DGKZ: variants seen among roughly 807,000 people sequenced by gnomAD.
DGKZ encodes diacylglycerol kinase zeta.
In DGKZ, 45 loss-of-function variants were observed where a neutral mutation model predicts 142.5. That is an observed-to-expected ratio of 0.32 (90% CI 0.25 to 0.40). DGKZ has a LOEUF of 0.40. Among genes scored for constraint, DGKZ ranks in the 10% least tolerant of loss-of-function variants. The probability of loss-of-function intolerance (pLI) is 1.00; values close to 1 mark genes in which losing one functional copy is unlikely to be tolerated. For missense variants in DGKZ, 755 were observed against 1,306.5 expected (o/e 0.58, Z 6.51); for synonymous variants, 442 against 527.0 (o/e 0.84, Z 2.21).
In DGKZ at chr11:46,370,970, G is replaced by A. The variant is rs552949364; in HGVS notation, c.571-343G>A. ...CGTAGTGGTGGGCGCCTGTAATCCCGGCCACTCAGGAGGCTGAGACAAGAG... is the reference window on the plus strand; with the variant it reads ...CGTAGTGGTGGGCGCCTGTAATCCCAGCCACTCAGGAGGCTGAGACAAGAG... On this transcript the variant is annotated intron_variant, in intron 6 of 30. Coordinates refer to ENST00000527911, the Ensembl canonical transcript of DGKZ. Among the ~76,000 whole-genome samples, 76 of 151,978 alleles carry A rather than the reference G, an allele frequency of 5.0e-4. 1 individual carries two copies. The highest frequency in any genetic ancestry group is 1.5e-3 in the African/African-American group (64 of 41,426).
At chr11:46,353,484 C>T (rs1941652620) in intron 1 of DGKZ, among the ~76,000 whole-genome samples, 1 of 152,218 alleles carries the variant, frequency 6.6e-6, no homozygotes. Flanking sequence ...GGGGAGCAGG[C>T]TGGACTGGGA....
chr11:46,372,517 A>C lies in DGKZ; in HGVS notation c.1010+7A>C. On this transcript the variant is annotated splice_region_variant and intron_variant, in intron 11 of 30. Transcript: ENST00000527911. This position sits in a 1 kb window ranked among gnomAD's most constrained non-coding sequence, Gnocchi z 5.9. Reference sequence around the variant, plus strand: ...AGGGAGGGCCCAAGGAGGCGTAAGTACTTGCCAAGGTTTTGTGGGGGACAT... The same window carrying C: ...AGGGAGGGCCCAAGGAGGCGTAAGTCCTTGCCAAGGTTTTGTGGGGGACAT... 6.2e-7 allele frequency: 1 copy of C among 1,614,004 alleles called. No individual in the cohort carries two copies. The highest frequency in any genetic ancestry group is 8.5e-7 in the Non-Finnish European group (1 of 1,179,998).
chr11:46,339,265 C>T (rs891206901), intron 1 of DGKZ, among the ~76,000 whole-genome samples: 2 of 152,134 alleles, frequency 1.3e-5, no homozygotes, highest in Admixed American at 1.3e-4. Flanking sequence ...GAGATGGGGC[C>T]GATTTGTAAT....
chr11:46,366,317 C>T lies in DGKZ; in HGVS notation c.162-974C>T, dbSNP rs760010843. On this transcript the variant is annotated intron_variant, in intron 1 of 30. Transcript: ENST00000527911. ...GGTGCCAGGCCCTGGAGAGGGGCAG[C>T]AGCGGCCCAGCAGCGTGGGGCTGCC... The T allele has an allele frequency of 6.3e-6, 10 of 1,575,490 alleles. No homozygotes were observed. The African/African-American group carries it at 9.6e-5, about 15-fold the overall frequency.
intron 1 of DGKZ, among the ~76,000 whole-genome samples, chr11:46,350,011 C>T (rs180727179): frequency 6.6e-5 from 10 of 152,262 alleles, no homozygotes; most frequent in East Asian, 5.8e-4. Context: ...TAGTCCGTCA[C>T]GCTGGGGAGT....
intron 1 of DGKZ, among the ~76,000 whole-genome samples, chr11:46,342,193 G>A (rs1940312155): frequency 6.6e-6 from 1 of 152,150 alleles, no homozygotes; most frequent in African/African-American, 2.4e-5. Context: ...GCTTCCCAGG[G>A]CTGGCACATG....
intron 1 of DGKZ, chr11:46,365,376 GAC>G: frequency 1.0e-6 from 1 of 985,464 alleles, no homozygotes. Flanking sequence ...AGAAAGGTGA[GAC>G]AGAGCAGTCG....
At chr11:46,335,567 AG>A (rs2136373453) in intron 1 of DGKZ, among the ~76,000 whole-genome samples, 1 of 152,286 alleles carries the variant, frequency 6.6e-6, no homozygotes, top group Non-Finnish European at 1.5e-5. Flanking sequence ...AATCCCACTG[AG>A]GTCCCCCCAA....
Position 46,372,893 on chromosome 11 carries a change from C to G in DGKZ, c.1185+9C>G, listed in dbSNP as rs1944108884. On this transcript the variant is annotated intron_variant, in intron 13 of 30. Coordinates refer to ENST00000527911, the Ensembl canonical transcript of DGKZ. The surrounding 1 kb of genome is among the most constrained non-coding windows in gnomAD (Gnocchi z 5.9). Reference sequence around the variant, plus strand: ...CCCTCAACTGGGGTGGGGTAAGCACCCATAGGAGGGGGGTGCAGCTGGGGC... The same window carrying G: ...CCCTCAACTGGGGTGGGGTAAGCACGCATAGGAGGGGGGTGCAGCTGGGGC... 6.4e-7 allele frequency: 1 copy of G among 1,571,864 alleles called. No individual in the cohort carries two copies. The highest frequency in any genetic ancestry group is 1.4e-5 in the African/African-American group (1 of 73,762).
At chr11:46,356,166 C>G (rs1305183113) in intron 1 of DGKZ, among the ~76,000 whole-genome samples, 3 of 152,132 alleles carry the variant, frequency 2.0e-5, no homozygotes, top group African/African-American at 7.2e-5. Flanking sequence ...AGAGTGGGGG[C>G]CCGCGAGGGG....
chr11:46,360,305 T>G (rs1942498845), intron 1 of DGKZ, among the ~76,000 whole-genome samples: 1 of 152,110 alleles, frequency 6.6e-6, no homozygotes, highest in Non-Finnish European at 1.5e-5. Context: ...CATTTCTCAG[T>G]TTTAACATCT....
rs574028116 is a variant in DGKZ at position 46,376,356 on chromosome 11, C to T, written c.2120C>T (p.Pro707Leu). Residue 707 changes from proline (P) to leucine (L), a missense_variant, in exon 23 of 31, where the codon CCG (proline) becomes CTG (leucine). Pro to Leu is a moderately conservative substitution (Grantham distance 98, BLOSUM62 -3). Transcript: ENST00000527911. The stretch of plus-strand genomic sequence containing the variant: ...CCCGATGGTGCTGGAGCCAAGTCCC[C>T]GACATGCCAGAAACTGTCCCCCAAG... 1.3e-5 allele frequency: 21 copies of T among 1,614,088 alleles called. No homozygotes were observed. Among genetic ancestry groups the T allele is most frequent in the South Asian group, 5.5e-5 (5 of 91,090 alleles).
Position 46,374,658 on chromosome 11 carries a change from C to T in DGKZ, c.1516C>T (p.Arg506Ter). 1 of 1,591,062 alleles carries T rather than the reference C, an allele frequency of 6.3e-7. No individual in the cohort carries two copies. Among genetic ancestry groups the T allele is most frequent in the Non-Finnish European group, 8.6e-7 (1 of 1,167,146 alleles). Residue 506 changes from arginine (R) to a stop codon, truncating the protein, a stop_gained, in exon 17 of 31, where the codon CGA (arginine) becomes TGA (stop). Coordinates refer to ENST00000527911, the Ensembl canonical transcript of DGKZ. LOFTEE classifies it high-confidence loss of function. ...CTCCAAGGACCTGGCCAAGCACATC[C>T]GAGTGGTGGTGAGCGGGGCCAGGCT...
chr11:46,339,435 G>A (rs61183349), intron 1 of DGKZ, among the ~76,000 whole-genome samples: 2,505 of 152,268 alleles, frequency 0.016, 62 homozygotes, highest in African/African-American at 0.057. Context: ...TGAAAAGGGC[G>A]GGGCCCAGGC....
At chr11:46,355,600 C>T (rs1276057477) in intron 1 of DGKZ, among the ~76,000 whole-genome samples, 1 of 152,126 alleles carries the variant, frequency 6.6e-6, no homozygotes, top group Non-Finnish European at 1.5e-5. Context: ...GAGGCAGATC[C>T]TCTGGGCCTT....
At chr11:46,378,281 G>T in intron 26 of DGKZ, 52 bp downstream of exon 26, 1 of 1,577,576 alleles carries the variant, frequency 6.3e-7, no homozygotes, top group Non-Finnish European at 8.6e-7. Context: ...GGGGGCAGGA[G>T]GCTCAGTGGG....
chr11:46,366,498 C>T, intron 1 of DGKZ: 2 of 1,583,496 alleles, frequency 1.3e-6, no homozygotes, highest in South Asian at 2.3e-5. Context: ...GTGCCCCCTT[C>T]CTGCAACCCC....
intron 1 of DGKZ, among the ~76,000 whole-genome samples, chr11:46,359,322 G>A (rs546524053): frequency 2.3e-4 from 35 of 151,856 alleles, no homozygotes; most frequent in African/African-American, 6.8e-4. Flanking sequence ...GCCCATGCCT[G>A]TAATCCCAGC....
chr11:46,369,896 C>A, intron 5 of DGKZ, 45 bp from the exon 6 acceptor site: 1 of 1,604,600 alleles, frequency 6.2e-7, no homozygotes, highest in East Asian at 2.2e-5. Flanking sequence ...GGACTGTGCC[C>A]CTGCCCACCC....
Sources: allele counts gnomAD v4.1 joint callset (sites outside exome capture counted in the v4.1 genomes callset), GRCh38; gene constraint gnomAD v4.1.1; non-coding constraint Gnocchi (gnomAD v3.1); transcripts MANE v1.5; gene names NCBI Gene and HGNC (gene_info 2026-07-23, HGNC 2026-07-21).